FAF2: variants seen among roughly 807,000 people sequenced by gnomAD.
The protein encoded by FAF2 is FAS-associated factor 2.
FAF2 carries 9 observed loss-of-function variants against 62.3 expected under a neutral mutation model. The observed-to-expected ratio is 0.14, with a 90% CI of 0.09 to 0.25. The LOEUF is 0.25. FAF2 is among the 10% of genes least tolerant of loss of function. FAF2 has a pLI of 1.00. For missense variants in FAF2, 368 were observed against 556.2 expected (o/e 0.66, Z 3.40); for synonymous variants, 202 against 198.0 (o/e 1.02, Z -0.17).
At chr5:176,470,623 G>T (rs981090644) in intron 1 of FAF2, among the ~76,000 whole-genome samples, 1 of 151,964 alleles carries the variant, frequency 6.6e-6, no homozygotes, top group South Asian at 2.1e-4. Context: ...CTTATACTAG[G>T]TTTAAAAACA....
At chr5:176,449,750 TATTC>T (rs1278484707) in intron 1 of FAF2, among the ~76,000 whole-genome samples, 1 of 152,236 alleles carries the variant, frequency 6.6e-6, no homozygotes, top group Non-Finnish European at 1.5e-5. Flanking sequence ...AATGTGTAAA[TATTC>T]ATTTATTCAA....
At chr5:176,467,341 T>G (rs369019696) in intron 1 of FAF2, among the ~76,000 whole-genome samples, 32 of 150,794 alleles carry the variant, frequency 2.1e-4, no homozygotes, top group Middle Eastern at 3.4e-3. Context: ...TTTTTTTTGG[T>G]TTTTTTTTGA....
intron 7 of FAF2, among the ~76,000 whole-genome samples, chr5:176,495,516 T>C (rs1487917265): frequency 6.6e-6 from 1 of 151,350 alleles, no homozygotes; most frequent in Non-Finnish European, 1.5e-5. Flanking sequence ...ACCAATTTTT[T>C]TTTTTTTTTT....
intron 10 of FAF2, among the ~76,000 whole-genome samples, chr5:176,503,346 G>A (rs1755625642): frequency 6.6e-6 from 1 of 152,108 alleles, no homozygotes. Context: ...CCAGGGGTCA[G>A]GAGTTTGAGA....
intron 10 of FAF2, 75 bp downstream of exon 10, chr5:176,500,221 G>C: frequency 1.4e-6 from 2 of 1,434,182 alleles, no homozygotes; most frequent in Non-Finnish European, 1.9e-6. Flanking sequence ...TGACTCTTGA[G>C]AGTGGTGTTG....
intron 1 of FAF2, among the ~76,000 whole-genome samples, chr5:176,476,782 G>A (rs541793988): frequency 9.4e-4 from 140 of 148,518 alleles, no homozygotes; most frequent in Non-Finnish European, 1.6e-3. Context: ...CTACAGGCAC[G>A]CAGCACCACC....
At chr5:176,499,488 TTTTTGTTTTG>T (rs377031752) in intron 9 of FAF2, among the ~76,000 whole-genome samples, 2 of 152,170 alleles carry the variant, frequency 1.3e-5, no homozygotes, top group East Asian at 1.9e-4. Context: ...TATCTTTTTG[TTTTTGTTTTG>T]TTTTGTTTTG....
intron 1 of FAF2, among the ~76,000 whole-genome samples, chr5:176,470,907 C>G (rs1457651449): frequency 6.6e-6 from 1 of 152,186 alleles, no homozygotes; most frequent in East Asian, 1.9e-4. Flanking sequence ...TTTAAAGCCA[C>G]TCAAATTTAG....
chr5:176,494,618 G>A lies in FAF2; in HGVS notation c.661+343G>A, dbSNP rs745991676. ...CGCCCAGGCTGGAGTGCAGTGGTGCGATCTTGGCTCACTGCAACCTCCACC... is the reference window on the plus strand; with the variant it reads ...CGCCCAGGCTGGAGTGCAGTGGTGCAATCTTGGCTCACTGCAACCTCCACC... On this transcript the variant is annotated intron_variant, in intron 7 of 10. Transcript: ENST00000261942. This position sits in a 1 kb window ranked among gnomAD's most constrained non-coding sequence, Gnocchi z 4.0. Among the ~76,000 whole-genome samples, 1 of 151,980 alleles carries A rather than the reference G, an allele frequency of 6.6e-6. No homozygotes were observed. Among genetic ancestry groups the A allele is most frequent in the Non-Finnish European group, 1.5e-5 (1 of 68,006 alleles).
intron 1 of FAF2, among the ~76,000 whole-genome samples, chr5:176,471,256 T>C (rs1276247804): frequency 6.6e-6 from 1 of 152,188 alleles, no homozygotes; most frequent in African/African-American, 2.4e-5. Context: ...CTACAATTAC[T>C]TCATATGCAA....
At chr5:176,493,736 T>G (rs1484650346) in intron 5 of FAF2, among the ~76,000 whole-genome samples, 1 of 152,192 alleles carries the variant, frequency 6.6e-6, no homozygotes, top group East Asian at 1.9e-4. Flanking sequence ...TAAGCCTGTC[T>G]ACTCTCATGT....
intron 8 of FAF2, 105 bp downstream of exon 8, chr5:176,496,768 T>C (rs1755494936): frequency 1.2e-6 from 1 of 833,284 alleles, no homozygotes; most frequent in Non-Finnish European, 1.8e-6. Flanking sequence ...ATCAGGCCGC[T>C]ATTAGCTTTT....
chr5:176,467,176 AGTGGGG>A (rs1355169356), intron 1 of FAF2, among the ~76,000 whole-genome samples: 2 of 110,290 alleles, frequency 1.8e-5, no homozygotes, highest in African/African-American at 7.0e-5. Flanking sequence ...GTCCCAGACC[AGTGGGG>A]GATTTATGGT....
chr5:176,451,890 ATATTTTTTTTTTTT>A (rs1197390247), intron 1 of FAF2, among the ~76,000 whole-genome samples: 9 of 34,216 alleles, frequency 2.6e-4, no homozygotes, highest in African/African-American at 1.2e-3. Context: ...ATATATATAT[ATATTTTTTTTTTTT>A]TTTTTTTTTT....
At chr5:176,463,752 CAG>C (rs1196518152) in intron 1 of FAF2, among the ~76,000 whole-genome samples, 1 of 136,540 alleles carries the variant, frequency 7.3e-6, no homozygotes, top group Non-Finnish European at 1.5e-5. Flanking sequence ...TTCCTTGAGA[CAG>C]AGTCTTGCTG....
chr5:176,499,657 G>C (rs1041090419), intron 9 of FAF2, among the ~76,000 whole-genome samples: 2 of 151,440 alleles, frequency 1.3e-5, no homozygotes, highest in Admixed American at 6.6e-5. Context: ...GTGTTGCCCA[G>C]GCTGGCGTGC....
intron 1 of FAF2, among the ~76,000 whole-genome samples, chr5:176,465,138 G>T (rs1410742976): frequency 1.3e-5 from 2 of 151,824 alleles, no homozygotes; most frequent in African/African-American, 4.8e-5. Context: ...TGATCTGGCC[G>T]CTTCAGCCTC....
At chr5:176,451,882 ATATATATATATTTTTTTTTTTT>A (rs1758188963) in intron 1 of FAF2, among the ~76,000 whole-genome samples, 2 of 24,676 alleles carry the variant, frequency 8.1e-5, no homozygotes, top group Non-Finnish European at 1.4e-4. Flanking sequence ...ACACATATAT[ATATATATATATTTTTTTTTTTT>A]TTTTTTTTTT....
At chr5:176,461,730 C>G (rs528978262) in intron 1 of FAF2, among the ~76,000 whole-genome samples, 1 of 151,756 alleles carries the variant, frequency 6.6e-6, no homozygotes, top group Non-Finnish European at 1.5e-5. Flanking sequence ...TCATAGTTTG[C>G]GAAGATTTTC....
Sources: gnomAD v4.1 joint callset for allele counts (sites outside exome capture counted in the v4.1 genomes callset) on GRCh38, gnomAD v4.1.1 for gene constraint, Gnocchi (gnomAD v3.1) non-coding constraint, MANE v1.5 for transcripts, NCBI Gene and HGNC (gene_info 2026-07-23, HGNC 2026-07-21) for gene names.